COL19A1: variants seen among roughly 807,000 people sequenced by gnomAD.
COL19A1 encodes collagen type XIX alpha 1 chain.
COL19A1 carries 159 observed loss-of-function variants against 190.2 expected under a neutral mutation model. The ratio of observed to expected loss-of-function variants is 0.84; its 90% CI spans 0.73 to 0.95. The LOEUF (loss-of-function observed/expected upper bound fraction) is 0.95. COL19A1 is among the 40% of genes least tolerant of loss of function. The pLI is 0.00. For missense variants in COL19A1, 1,418 were observed against 1,431.9 expected (o/e 0.99, Z 0.16); for synonymous variants, 509 against 458.9 (o/e 1.11, Z -1.39).
chr6:70,180,424 G>A, intron 43 of COL19A1, 37 bp from the exon 44 acceptor site: 1 of 1,614,010 alleles, frequency 6.2e-7, no homozygotes, highest in Non-Finnish European at 8.5e-7. Context: ...TAAAACATTT[G>A]TTGGCAATTA....
chr6:70,168,563 T>C, intron 39 of COL19A1, 92 bp from the exon 40 acceptor site: 2 of 1,167,158 alleles, frequency 1.7e-6, no homozygotes, highest in Non-Finnish European at 2.5e-6. Flanking sequence ...AATATTCGTA[T>C]GTGTATTAAG....
intron 4 of COL19A1, among the ~76,000 whole-genome samples, chr6:69,924,955 G>C (rs1330602212): frequency 6.6e-6 from 1 of 152,128 alleles, no homozygotes; most frequent in Non-Finnish European, 1.5e-5. Flanking sequence ...TTGTAAATTT[G>C]TTTGAGTTCT....
At chr6:70,092,817 A>G (rs1391884105) in intron 15 of COL19A1, among the ~76,000 whole-genome samples, 1 of 152,136 alleles carries the variant, frequency 6.6e-6, no homozygotes, top group African/African-American at 2.4e-5. Flanking sequence ...TACTGAAACT[A>G]TGTCCTGTCA....
At chr6:70,074,302 C>A (rs951514298) in intron 15 of COL19A1, among the ~76,000 whole-genome samples, 3 of 151,964 alleles carry the variant, frequency 2.0e-5, no homozygotes, top group Non-Finnish European at 4.4e-5. Flanking sequence ...AGTTCAAGAC[C>A]AGCCTGGCCA....
chr6:70,174,151 G>C (rs1765662990), intron 41 of COL19A1, among the ~76,000 whole-genome samples: 1 of 152,230 alleles, frequency 6.6e-6, no homozygotes, highest in Non-Finnish European at 1.5e-5. Flanking sequence ...CTGAGAGCAA[G>C]GTAGGGTAAG....
intron 11 of COL19A1, among the ~76,000 whole-genome samples, chr6:69,997,784 C>G (rs538515434): frequency 6.6e-6 from 1 of 151,916 alleles, no homozygotes; most frequent in African/African-American, 2.4e-5. Flanking sequence ...TAATGGGAAT[C>G]CCAGGAGAAA....
At chr6:70,206,195 A>G (rs1040972877) in intron 49 of COL19A1, among the ~76,000 whole-genome samples, 8 of 152,164 alleles carry the variant, frequency 5.3e-5, no homozygotes, top group Non-Finnish European at 8.8e-5. Context: ...GACTCTTTCC[A>G]TATACTTCTT....
chr6:70,185,933 G>A (rs998209573), intron 46 of COL19A1, among the ~76,000 whole-genome samples: 1 of 152,120 alleles, frequency 6.6e-6, no homozygotes, highest in African/African-American at 2.4e-5. Context: ...ACTACACAGA[G>A]ATAAGCACTG....
intron 15 of COL19A1, among the ~76,000 whole-genome samples, chr6:70,084,355 C>G (rs1052171386): frequency 3.9e-5 from 6 of 152,162 alleles, no homozygotes; most frequent in Admixed American, 1.3e-4. Context: ...ATGTTCAAGT[C>G]TATGGCCGAA....
intron 9 of COL19A1, among the ~76,000 whole-genome samples, chr6:69,940,136 A>T (rs1342619954): frequency 6.6e-6 from 1 of 152,074 alleles, no homozygotes; most frequent in Non-Finnish European, 1.5e-5. Flanking sequence ...AAAATCGTTA[A>T]ATCTACTTTA....
At chr6:69,895,090 A>G (rs1275697766) in intron 2 of COL19A1, among the ~76,000 whole-genome samples, 1 of 152,228 alleles carries the variant, frequency 6.6e-6, no homozygotes, top group Non-Finnish European at 1.5e-5. Flanking sequence ...AGGGAAGAGG[A>G]AGGCTGTGGC....
chr6:69,935,221 A>T (rs1216393586), intron 7 of COL19A1, among the ~76,000 whole-genome samples: 3 of 152,072 alleles, frequency 2.0e-5, no homozygotes, highest in African/African-American at 7.2e-5. Flanking sequence ...GCTAATACTG[A>T]ATATGTGTCA....
intron 34 of COL19A1, among the ~76,000 whole-genome samples, chr6:70,157,913 A>G (rs1001478738): frequency 1.3e-5 from 2 of 152,146 alleles, no homozygotes; most frequent in African/African-American, 2.4e-5. Flanking sequence ...TAAAGTCACT[A>G]GAAGTTAATT....
At chr6:69,966,610 T>G (rs1775122272) in intron 11 of COL19A1, among the ~76,000 whole-genome samples, 2 of 152,076 alleles carry the variant, frequency 1.3e-5, no homozygotes, top group South Asian at 4.2e-4. Context: ...TAATCTCAAG[T>G]ACCCAGGGAC....
intron 11 of COL19A1, among the ~76,000 whole-genome samples, chr6:69,983,118 G>A (rs934761257): frequency 6.6e-6 from 1 of 151,794 alleles, no homozygotes; most frequent in Non-Finnish European, 1.5e-5. Context: ...TGTTTGGGAG[G>A]AATTTACCTT....
At chr6:70,147,140 T>C (rs1205762519) in intron 27 of COL19A1, among the ~76,000 whole-genome samples, 1 of 152,204 alleles carries the variant, frequency 6.6e-6, no homozygotes, top group Non-Finnish European at 1.5e-5. Flanking sequence ...ATTTAACCCT[T>C]ATACCTCTAT....
In COL19A1 at chr6:70,146,872, G is replaced by A. The variant is rs1786688416; in HGVS notation, c.1876G>A (p.Gly626Arg). The A allele has an allele frequency of 6.3e-7, 1 of 1,585,960 alleles. No individual in the cohort carries two copies. Among genetic ancestry groups the A allele is most frequent in the Non-Finnish European group, 8.6e-7 (1 of 1,169,348 alleles). The part of the protein sequence containing the change: ...SPGDIGPQGI[G>R]IPGRTGAQGP... ...AGGGGACATAGGCCCACAAGGGATAGGAATTCCTGGCAGAACAGTAAGTGA... is the reference window on the plus strand; with the variant it reads ...AGGGGACATAGGCCCACAAGGGATAAGAATTCCTGGCAGAACAGTAAGTGA... Residue 626 changes from glycine (G) to arginine (R), a missense_variant, in exon 27 of 51, where the codon GGA becomes AGA. Transcript: ENST00000620364.
chr6:70,082,256 G>T (rs1289988362), intron 15 of COL19A1, among the ~76,000 whole-genome samples: 1 of 151,188 alleles, frequency 6.6e-6, no homozygotes, highest in Non-Finnish European at 1.5e-5. Context: ...TCAAAATACA[G>T]CATCACTTGC....
intron 42 of COL19A1, 88 bp from the exon 43 acceptor site, chr6:70,180,224 T>A: frequency 6.7e-7 from 1 of 1,483,378 alleles, no homozygotes; most frequent in Non-Finnish European, 9.4e-7. Context: ...GGGAGCACTA[T>A]AAACTCAATT....
Sources: gnomAD v4.1 joint callset for allele counts (sites outside exome capture counted in the v4.1 genomes callset) on GRCh38, gnomAD v4.1.1 for gene constraint, MANE v1.5 for transcripts, NCBI Gene and HGNC (gene_info 2026-07-23, HGNC 2026-07-21) for gene names.